The following SLIT1 variants were observed in gnomAD, a reference collection of about 807,000 sequenced individuals.
SLIT1 encodes the protein slit guidance ligand 1, also known as slit homolog 1 protein.
Under a neutral mutation model 186.1 loss-of-function variants are expected in SLIT1, and 66 were observed. The observed-to-expected ratio is 0.35, with a 90% CI of 0.29 to 0.44. The LOEUF (loss-of-function observed/expected upper bound fraction) is 0.44. SLIT1 is among the 20% of genes least tolerant of loss of function. The pLI is 1.00. For missense variants in SLIT1, 1,638 were observed against 2,037.4 expected, an observed-to-expected ratio of 0.80 and a Z score of 3.77; for synonymous variants, 761 against 833.8, an observed-to-expected ratio of 0.91 and a Z score of 1.50.
intron 4 of SLIT1, among the ~76,000 whole-genome samples, chr10:97,075,098 A>G (rs1052499514): frequency 1.3e-5 from 2 of 152,132 alleles, no homozygotes; most frequent in African/African-American, 4.8e-5. Context: ...TTCATGCCAC[A>G]TGGAAGCTCT....
intron 25 of SLIT1, among the ~76,000 whole-genome samples, chr10:97,026,389 G>A (rs749216628): frequency 1.1e-4 from 17 of 150,742 alleles, no homozygotes; most frequent in Non-Finnish European, 7.4e-5. Context: ...GGTTGAACCC[G>A]GGAGGCGGAG....
At chr10:97,137,620 C>T (rs1340981563) in intron 4 of SLIT1, among the ~76,000 whole-genome samples, 1 of 151,952 alleles carries the variant, frequency 6.6e-6, no homozygotes, top group Non-Finnish European at 1.5e-5. Context: ...AGGTCTCACT[C>T]TATGCCCAGG....
At chr10:97,131,498 C>T (rs543350085) in intron 4 of SLIT1, among the ~76,000 whole-genome samples, 1 of 152,330 alleles carries the variant, frequency 6.6e-6, no homozygotes, top group East Asian at 1.9e-4. Flanking sequence ...GCCAACAACA[C>T]ACTCACCGCA....
intron 13 of SLIT1, among the ~76,000 whole-genome samples, chr10:97,054,928 G>A (rs1190558515): frequency 2.0e-5 from 3 of 152,190 alleles, no homozygotes; most frequent in Non-Finnish European, 4.4e-5. Flanking sequence ...TTAAAAAATT[G>A]CATAACATTC....
chr10:97,070,244 G>A (rs1004302647), intron 4 of SLIT1, among the ~76,000 whole-genome samples: 14 of 152,262 alleles, frequency 9.2e-5, no homozygotes, highest in Admixed American at 9.2e-4. Flanking sequence ...GAAAGCCGCA[G>A]TGTTTTGAAG....
Position 97,000,976 on chromosome 10 carries a change from C to T in SLIT1, c.*136G>A. 2.9e-6 allele frequency: 2 copies of T among 680,622 alleles called. No homozygotes were observed. The highest frequency in any genetic ancestry group is 2.7e-5 in the East Asian group (1 of 36,716). 42.2% of individuals were successfully genotyped at this position (680,622 alleles called of 1,614,324 possible). A position where few individuals can be genotyped will look rare whatever the true frequency, so the allele number is the denominator to read the frequency against. On this transcript the variant is annotated 3_prime_UTR_variant, in exon 37 of 37. Transcript: ENST00000266058. ...TTTTAAAAGGCTGCTCTGGCACCAC[C>T]CCACCCAGGAGGGCCCAGCTGCCCA...
Position 97,001,256 on chromosome 10 carries a change from C to G in SLIT1, c.4461G>C (p.Glu1487Asp). Reference protein sequence around the residue: ...CQTTRPLSWVECRGSCPGQGC... With the variant: ...CQTTRPLSWVDCRGSCPGQGC... The stretch of plus-strand genomic sequence containing the variant: ...CCTGGCCTGGGCACGAGCCCCGGCA[C>G]TCCACCCATGACAGGGGGCGCGTGG... Residue 1487 changes from glutamate (E) to aspartate (D), a missense_variant, in exon 37 of 37, where the codon GAG (glutamate) becomes GAC (aspartate). Glu to Asp is a conservative substitution (Grantham distance 45). Around this residue, in one of 3 missense-constraint regions of SLIT1, gnomAD observed 220 missense variants for 211.3 expected, o/e 1.04. Coordinates refer to ENST00000266058, the MANE Select transcript of SLIT1 (RefSeq NM_003061.3). 6.2e-7 allele frequency: 1 copy of G among 1,613,250 alleles called. No individual in the cohort carries two copies. The highest frequency in any genetic ancestry group is 8.5e-7 in the Non-Finnish European group (1 of 1,179,988).
chr10:97,135,274 G>T (rs980144471), intron 4 of SLIT1, among the ~76,000 whole-genome samples: 4 of 152,036 alleles, frequency 2.6e-5, no homozygotes, highest in African/African-American at 9.7e-5. Flanking sequence ...GTCCATAACA[G>T]TTCGGCCATT....
chr10:97,064,105 C>T (rs894097964), intron 7 of SLIT1, 63 bp downstream of exon 7: 1 of 1,361,864 alleles, frequency 7.3e-7, no homozygotes, highest in Admixed American at 1.9e-5. Flanking sequence ...CCTCCTGCCC[C>T]ACCCACCCCC....
intron 4 of SLIT1, among the ~76,000 whole-genome samples, chr10:97,156,862 G>A (rs1029629887): frequency 6.6e-5 from 10 of 151,974 alleles, no homozygotes; most frequent in African/African-American, 1.5e-4. Context: ...CTTCAGGGAC[G>A]AACCAGTAGT....
At chr10:97,076,545 T>A (rs1849047634) in intron 4 of SLIT1, among the ~76,000 whole-genome samples, 1 of 152,152 alleles carries the variant, frequency 6.6e-6, no homozygotes. Flanking sequence ...CTCCAGCCCA[T>A]GAAACAACAC....
chr10:97,087,391 C>T (rs1000491073), intron 4 of SLIT1, among the ~76,000 whole-genome samples: 9 of 152,350 alleles, frequency 5.9e-5, no homozygotes, highest in Middle Eastern at 3.4e-3. Context: ...CACTTTTCCC[C>T]GTGGTCACCA....
chr10:97,033,914 G>A (rs1245378794), intron 23 of SLIT1, among the ~76,000 whole-genome samples: 1 of 148,898 alleles, frequency 6.7e-6, no homozygotes, highest in East Asian at 2.0e-4. Context: ...ACCCAGGCTG[G>A]AGTGCAATGG....
At chr10:97,158,854 C>A (rs1849988252) in intron 3 of SLIT1, among the ~76,000 whole-genome samples, 1 of 151,084 alleles carries the variant, frequency 6.6e-6, no homozygotes, top group Non-Finnish European at 1.5e-5. Context: ...CCAGCCTGGG[C>A]AACAGAGTGA....
At chr10:97,077,487 G>A (rs894941885) in intron 4 of SLIT1, among the ~76,000 whole-genome samples, 6 of 152,206 alleles carry the variant, frequency 3.9e-5, no homozygotes, top group South Asian at 2.1e-4. Flanking sequence ...GTCTCAGGGC[G>A]CAGTAGCTAG....
chr10:97,091,187 G>GA (rs773461957), intron 4 of SLIT1, among the ~76,000 whole-genome samples: 1 of 152,236 alleles, frequency 6.6e-6, no homozygotes, highest in African/African-American at 2.4e-5. Context: ...CATTTCACAT[G>GA]AACTTTGCAG....
chr10:97,056,563 C>G (rs2134633683), intron 12 of SLIT1, 99 bp from the exon 13 acceptor site: 1 of 1,300,754 alleles, frequency 7.7e-7, no homozygotes, highest in South Asian at 1.3e-5. Flanking sequence ...TGCGTTATTA[C>G]AGGGAGGAGC....
At chr10:97,112,088 C>A (rs1172502572) in intron 4 of SLIT1, among the ~76,000 whole-genome samples, 1 of 152,172 alleles carries the variant, frequency 6.6e-6, no homozygotes, top group Non-Finnish European at 1.5e-5. Context: ...ACGTTCCCTT[C>A]GCTGTCCAAG....
At position 97,014,190 on chromosome 10, in the gene SLIT1, C is replaced by A. The variant is rs570545564; in HGVS notation, c.2970-32G>T. The A allele has an allele frequency of 5.6e-6, 9 of 1,609,990 alleles. No homozygotes were observed. The East Asian group carries it at 1.3e-4, about 24-fold the overall frequency. ...GGGGAAGGGGAGGATGGAGAGACAG[C>A]CCTCTTGGAACACTGGTGGAAGCCT... On this transcript the variant is annotated intron_variant, in intron 28 of 36. Coordinates refer to ENST00000266058, the MANE Select transcript of SLIT1 (RefSeq NM_003061.3).
Sources: allele counts gnomAD v4.1 joint callset (sites outside exome capture counted in the v4.1 genomes callset), GRCh38; gene constraint gnomAD v4.1.1; regional missense constraint gnomAD v4.1.1; transcripts MANE v1.5; gene names NCBI Gene and HGNC (gene_info 2026-07-23, HGNC 2026-07-21).